AKR1C8: variants seen among roughly 807,000 people sequenced by gnomAD.
AKR1C8 encodes aldo-keto reductase family 1 member C8.
At chr10:5,159,909 G>A in the AKR1C8 span, 4 of 521,038 alleles carry the variant, frequency 7.7e-6, no homozygotes, top group Non-Finnish European at 1.6e-5. Context: ...TTGTACTTGA[G>A]CCCTGGCTTG....
the AKR1C8 span, among the ~76,000 whole-genome samples, chr10:5,139,253 C>A: frequency 1.3e-5 from 2 of 152,234 alleles, no homozygotes; most frequent in East Asian, 1.9e-4. Flanking sequence ...TCAATGCCAT[C>A]CCCATCAAAC....
chr10:5,163,887 T>C, the AKR1C8 span, among the ~76,000 whole-genome samples: 2 of 152,112 alleles, frequency 1.3e-5, no homozygotes, highest in African/African-American at 2.4e-5. Flanking sequence ...GCCTAAGACA[T>C]ACCCATAACT....
At chr10:5,120,939 C>A in the AKR1C8 span, among the ~76,000 whole-genome samples, 2 of 151,780 alleles carry the variant, frequency 1.3e-5, no homozygotes, top group African/African-American at 4.8e-5. Context: ...TATTTCCAAG[C>A]CATGCTAATT....
At chr10:5,174,248 A>G in the AKR1C8 span, among the ~76,000 whole-genome samples, 1 of 148,064 alleles carries the variant, frequency 6.8e-6, no homozygotes. Flanking sequence ...TTCTGTCTAT[A>G]GAGTCATATA....
At chr10:5,172,351 C>A in the AKR1C8 span, among the ~76,000 whole-genome samples, 805 of 152,106 alleles carry the variant, frequency 5.3e-3, 3 homozygotes, top group African/African-American at 0.018. Context: ...GAAGTTACCA[C>A]ATAAGGTTTT....
the AKR1C8 span, among the ~76,000 whole-genome samples, chr10:5,177,014 G>A: frequency 6.6e-6 from 1 of 151,912 alleles, no homozygotes; most frequent in African/African-American, 2.4e-5. Flanking sequence ...CCAACACTAT[G>A]TTGAATAGGA....
the AKR1C8 span, among the ~76,000 whole-genome samples, chr10:5,174,886 C>A: frequency 1.3e-5 from 2 of 151,808 alleles, no homozygotes; most frequent in African/African-American, 4.8e-5. Context: ...AAACCACGGT[C>A]TATATAAACA....
chr10:5,141,657 C>T, the AKR1C8 span, among the ~76,000 whole-genome samples: 1 of 152,118 alleles, frequency 6.6e-6, no homozygotes, highest in Non-Finnish European at 1.5e-5. Context: ...TCTTTTGGTA[C>T]CTCTGCATTA....
At chr10:5,154,680 TTACA>T in the AKR1C8 span, 1 of 152,626 alleles carries the variant, frequency 6.6e-6, no homozygotes, top group African/African-American at 2.4e-5. Context: ...TGGTGTGGTT[TTACA>T]TAAAGGAGGA....
chr10:5,141,071 A>G, the AKR1C8 span, among the ~76,000 whole-genome samples: 1 of 152,172 alleles, frequency 6.6e-6, no homozygotes, highest in Non-Finnish European at 1.5e-5. Context: ...AATTCTCTGT[A>G]ACCCAGCCAC....
the AKR1C8 span, chr10:5,154,255 G>T: frequency 4.3e-6 from 2 of 464,204 alleles, no homozygotes; most frequent in African/African-American, 2.0e-5. Flanking sequence ...GAAGCACTTG[G>T]GATGGGCTAA....
the AKR1C8 span, among the ~76,000 whole-genome samples, chr10:5,176,485 T>A: frequency 2.0e-5 from 3 of 150,674 alleles, no homozygotes; most frequent in South Asian, 6.3e-4. Flanking sequence ...CCATACGAAC[T>A]TTAAAGTAGT....
chr10:5,152,227 A>G, the AKR1C8 span, among the ~76,000 whole-genome samples: 3 of 152,222 alleles, frequency 2.0e-5, no homozygotes, highest in East Asian at 3.9e-4. Context: ...TAAAAACTCA[A>G]GAACAACTAA....
the AKR1C8 span, among the ~76,000 whole-genome samples, chr10:5,125,633 CCTGA>C: frequency 2.0e-5 from 3 of 152,164 alleles, no homozygotes; most frequent in Non-Finnish European, 4.4e-5. Flanking sequence ...CCTGCAACTA[CCTGA>C]CTAACAAGAA....
At chr10:5,147,932 G>C in the AKR1C8 span, among the ~76,000 whole-genome samples, 4,801 of 152,276 alleles carry the variant, frequency 0.032, 251 homozygotes, top group African/African-American at 0.11. Context: ...GAGACTCTGG[G>C]TGGGGCCTCC....
chr10:5,160,208 A>C, the AKR1C8 span, among the ~76,000 whole-genome samples: 2 of 152,154 alleles, frequency 1.3e-5, no homozygotes, highest in African/African-American at 2.4e-5. Context: ...TATTACAAGC[A>C]TACTCATAAC....
the AKR1C8 span, among the ~76,000 whole-genome samples, chr10:5,151,619 C>A: frequency 6.8e-6 from 1 of 146,710 alleles, no homozygotes; most frequent in Non-Finnish European, 1.5e-5. Flanking sequence ...TACAGTGGCA[C>A]AATCTCAGCT....
the AKR1C8 span, among the ~76,000 whole-genome samples, chr10:5,127,171 T>C: frequency 6.6e-6 from 1 of 152,082 alleles, no homozygotes; most frequent in African/African-American, 2.4e-5. Context: ...ATTATTAAGC[T>C]ACTCAACAAG....
chr10:5,116,376 A>G, the AKR1C8 span, among the ~76,000 whole-genome samples: 1 of 152,144 alleles, frequency 6.6e-6, no homozygotes, highest in Non-Finnish European at 1.5e-5. Flanking sequence ...AGGTGAAGTC[A>G]CGGGAATAGG....
Sources: allele counts gnomAD v4.1 joint callset (sites outside exome capture counted in the v4.1 genomes callset), GRCh38; gene constraint gnomAD v4.1.1; transcripts MANE v1.5; gene names NCBI Gene and HGNC (gene_info 2026-07-23, HGNC 2026-07-21).